The following SRGAP2 variants were observed in gnomAD, a reference collection of about 807,000 sequenced individuals.
SRGAP2 encodes the protein SLIT-ROBO Rho GTPase activating protein 2.
Under a neutral mutation model 57.2 loss-of-function variants are expected in SRGAP2, and 15 were observed. The observed-to-expected ratio is 0.26, with a 90% CI of 0.18 to 0.40. The LOEUF (loss-of-function observed/expected upper bound fraction) is 0.40. Among genes scored for constraint, SRGAP2 ranks in the 10% least tolerant of loss-of-function variants. The pLI, the probability that SRGAP2 is intolerant of heterozygous loss-of-function variation, is 1.00. For missense variants in SRGAP2, 520 were observed against 669.6 expected (o/e 0.78, Z 2.47); for synonymous variants, 249 against 248.0 (o/e 1.00, Z -0.04).
At chr1:206,322,861 G>C (rs1553328212) in intron 3 of SRGAP2, among the ~76,000 whole-genome samples, 1 of 142,372 alleles carries the variant, frequency 7.0e-6, no homozygotes, top group Admixed American at 6.8e-5. Flanking sequence ...CATCTGCTCA[G>C]CTCTTGGTGG....
chr1:206,283,624 C>A (rs1330398471), intron 2 of SRGAP2, among the ~76,000 whole-genome samples: 2 of 150,788 alleles, frequency 1.3e-5, no homozygotes, highest in Non-Finnish European at 2.9e-5. Context: ...CGCAGTGAGC[C>A]GAGATCATGC....
At chr1:206,435,183 A>C (rs1661618915) in intron 14 of SRGAP2, among the ~76,000 whole-genome samples, 1 of 152,158 alleles carries the variant, frequency 6.6e-6, no homozygotes, top group Non-Finnish European at 1.5e-5. Flanking sequence ...TTACTTTTTA[A>C]TGTTGTTTCA....
chr1:206,430,100 C>T, intron 13 of SRGAP2, 62 bp from the exon 14 acceptor site: 1 of 778,458 alleles, frequency 1.3e-6, no homozygotes, highest in Non-Finnish European at 2.4e-6. Context: ...GGCCCGTTTT[C>T]TCTGACCCTG....
intron 18 of SRGAP2, among the ~76,000 whole-genome samples, chr1:206,447,523 TGCTGGCCAGCTGGGAGAGAAA>T (rs1572179346): frequency 6.6e-6 from 1 of 152,188 alleles, no homozygotes; most frequent in African/African-American, 2.4e-5. Context: ...GAGGAACCTA[TGCTGGCCAGCTGGGAGAGAAA>T]GCTTTTTGTC....
At chr1:206,414,056 G>T (rs1553360552) in intron 10 of SRGAP2, among the ~76,000 whole-genome samples, 1 of 140,636 alleles carries the variant, frequency 7.1e-6, no homozygotes, top group Non-Finnish European at 1.5e-5. Flanking sequence ...TTTTGAGACA[G>T]AGTCTTGCTC....
intron 21 of SRGAP2, among the ~76,000 whole-genome samples, chr1:206,457,155 A>ACT (rs1553378756): frequency 5.9e-5 from 9 of 151,960 alleles, no homozygotes; most frequent in South Asian, 4.1e-4. Context: ...CACCCCATAA[A>ACT]TCTGTCTTCT....
At chr1:206,237,319 G>A (rs1434149533) in intron 2 of SRGAP2, among the ~76,000 whole-genome samples, 2 of 152,122 alleles carry the variant, frequency 1.3e-5, no homozygotes, top group South Asian at 2.1e-4. Flanking sequence ...GAATGTACAC[G>A]TATTCACAAA....
intron 2 of SRGAP2, among the ~76,000 whole-genome samples, chr1:206,248,759 T>C (rs1375652120): frequency 2.7e-5 from 4 of 150,150 alleles, no homozygotes. Context: ...TGTCTTCCAG[T>C]GTTCTATTGA....
At chr1:206,220,505 A>G (rs1181650210) in intron 2 of SRGAP2, among the ~76,000 whole-genome samples, 7 of 152,178 alleles carry the variant, frequency 4.6e-5, no homozygotes, top group Non-Finnish European at 1.0e-4. Flanking sequence ...ATTTAAATAC[A>G]TTCTGCCCTC....
At chr1:206,422,234 C>G (rs1164955851) in intron 13 of SRGAP2, among the ~76,000 whole-genome samples, 1 of 152,230 alleles carries the variant, frequency 6.6e-6, no homozygotes, top group Non-Finnish European at 1.5e-5. Context: ...TTCAGCTCAT[C>G]TGACTGCTCT....
At position 206,220,937 on chromosome 1, in the gene SRGAP2, T is replaced by C. The variant is rs553796845; in HGVS notation, c.67+14900T>C. 2.9e-4 allele frequency among the ~76,000 whole-genome samples: 42 copies of C among 144,330 alleles called. No individual in the cohort carries two copies. In the East Asian group the frequency reaches 7.1e-3, roughly 24 times the overall value. The allele number at this position is 144,330 out of a possible 152,430, so 94.7% of individuals were successfully genotyped here. On this transcript the variant is annotated intron_variant, in intron 2 of 22. Transcript: ENST00000573034. ...GCAGCCATTTATTTAGCACCTACTG[T>C]ATGTTGTCTTTTTTTTTTTTTTGAG...
chr1:206,244,637 C>G (rs1553309839), intron 2 of SRGAP2, among the ~76,000 whole-genome samples: 2 of 150,962 alleles, frequency 1.3e-5, no homozygotes, highest in East Asian at 4.0e-4. Context: ...TGTGGTATTA[C>G]CTCCAAGCGA....
chr1:206,281,464 C>A (rs1670731561), intron 2 of SRGAP2, among the ~76,000 whole-genome samples: 1 of 101,568 alleles, frequency 9.8e-6, no homozygotes, highest in Admixed American at 8.9e-5. Context: ...GCCCAGGGAA[C>A]CTGGAGACCT....
chr1:206,424,726 T>G (rs1660640979), intron 13 of SRGAP2, among the ~76,000 whole-genome samples: 1 of 152,216 alleles, frequency 6.6e-6, no homozygotes, highest in Non-Finnish European at 1.5e-5. Context: ...GTGCAGGTCT[T>G]CGTGGCACCA....
At chr1:206,419,935 C>T (rs1660147901) in intron 12 of SRGAP2, among the ~76,000 whole-genome samples, 1 of 151,796 alleles carries the variant, frequency 6.6e-6, no homozygotes, top group African/African-American at 2.4e-5. Context: ...GCCTGATGTA[C>T]AAGTATGCAC....
chr1:206,379,112 T>C (rs140217195), intron 4 of SRGAP2, among the ~76,000 whole-genome samples: 487 of 152,268 alleles, frequency 3.2e-3, no homozygotes, highest in Non-Finnish European at 5.7e-3. Context: ...AGCCGTCTCA[T>C]GGTATCCTCA....
chr1:206,371,562 C>T (rs1407381913), intron 4 of SRGAP2, among the ~76,000 whole-genome samples: 1 of 149,472 alleles, frequency 6.7e-6, no homozygotes, highest in African/African-American at 2.5e-5. Flanking sequence ...AACCCCATCT[C>T]TACTAAAAAT....
chr1:206,291,676 A>C (rs1182207357), intron 2 of SRGAP2, among the ~76,000 whole-genome samples: 1 of 150,146 alleles, frequency 6.7e-6, no homozygotes, highest in Non-Finnish European at 1.5e-5. Flanking sequence ...CTTGGCACAT[A>C]ATAAGCACTT....
At chr1:206,459,799 C>T (rs1204208801) in intron 22 of SRGAP2, among the ~76,000 whole-genome samples, 1 of 152,194 alleles carries the variant, frequency 6.6e-6, no homozygotes, top group African/African-American at 2.4e-5. Flanking sequence ...TTGTGGTTCT[C>T]TGCTTACGGA....
Sources: gnomAD v4.1 joint callset for allele counts (sites outside exome capture counted in the v4.1 genomes callset) on GRCh38, gnomAD v4.1.1 for gene constraint, MANE v1.5 for transcripts, NCBI Gene and HGNC (gene_info 2026-07-23, HGNC 2026-07-21) for gene names.